Variants in PPP2R5E observed in about 807,000 individuals in gnomAD.
PPP2R5E encodes serine/threonine-protein phosphatase 2A 56 kDa regulatory subunit epsilon isoform.
Under a neutral mutation model 65.3 loss-of-function variants are expected in PPP2R5E, and 4 were observed. The ratio of observed to expected loss-of-function variants is 0.06; its 90% CI spans 0.03 to 0.14. The LOEUF (loss-of-function observed/expected upper bound fraction) is 0.14. Among genes scored for constraint, PPP2R5E ranks in the 10% least tolerant of loss-of-function variants. The pLI is 1.00. For synonymous variants in PPP2R5E, 183 were observed against 187.4 expected, an observed-to-expected ratio of 0.98 and a Z score of 0.19; for missense variants, 274 against 556.1, an observed-to-expected ratio of 0.49 and a Z score of 5.10.
chr14:63,389,798 G>A, intron 10 of PPP2R5E, 67 bp from the exon 11 acceptor site: 1 of 1,401,148 alleles, frequency 7.1e-7, no homozygotes, highest in South Asian at 1.7e-5. Flanking sequence ...GAACAAGGAG[G>A]ATTAATGAGA....
At chr14:63,490,039 T>C (rs1375075437) in intron 2 of PPP2R5E, among the ~76,000 whole-genome samples, 1 of 152,242 alleles carries the variant, frequency 6.6e-6, no homozygotes, top group East Asian at 1.9e-4. Context: ...TATGTTAGTA[T>C]ATGAATACCT....
chr14:63,446,053 T>C (rs940038658), intron 3 of PPP2R5E, among the ~76,000 whole-genome samples: 3 of 152,254 alleles, frequency 2.0e-5, no homozygotes, highest in Non-Finnish European at 4.4e-5. Context: ...TTCAACAATG[T>C]TCACAACATT....
chr14:63,413,520 C>T (rs1205226907), intron 5 of PPP2R5E, among the ~76,000 whole-genome samples: 1 of 152,094 alleles, frequency 6.6e-6, no homozygotes, highest in Non-Finnish European at 1.5e-5. Flanking sequence ...TCTTTCTAGA[C>T]CTCAGTTTAT....
chr14:63,523,132 G>T (rs1322706206), intron 2 of PPP2R5E, among the ~76,000 whole-genome samples: 1 of 150,192 alleles, frequency 6.7e-6, no homozygotes, highest in Non-Finnish European at 1.5e-5. Context: ...CGGGAAGTGG[G>T]GGGCGCCTCT....
chr14:63,405,774 C>T (rs902197754), intron 5 of PPP2R5E, among the ~76,000 whole-genome samples: 10 of 152,298 alleles, frequency 6.6e-5, no homozygotes, highest in African/African-American at 2.4e-4. Flanking sequence ...CATCCCAATA[C>T]AGATGAAAAT....
intron 4 of PPP2R5E, among the ~76,000 whole-genome samples, chr14:63,417,386 G>T (rs1594850583): frequency 6.6e-6 from 1 of 151,046 alleles, no homozygotes; most frequent in Non-Finnish European, 1.5e-5. Context: ...TTGTCAAATG[G>T]TTTTCTTGTT....
chr14:63,525,451 G>A (rs1403320723), intron 2 of PPP2R5E, among the ~76,000 whole-genome samples: 1 of 152,154 alleles, frequency 6.6e-6, no homozygotes, highest in African/African-American at 2.4e-5. Context: ...AATCAGGAAA[G>A]ACATACAGGA....
intron 3 of PPP2R5E, among the ~76,000 whole-genome samples, chr14:63,442,963 A>G (rs1888308457): frequency 6.6e-6 from 1 of 152,220 alleles, no homozygotes; most frequent in African/African-American, 2.4e-5. Flanking sequence ...TTCAGCTAAT[A>G]ATGTAGCGAG....
chr14:63,377,676 C>T (rs1455766529), intron 13 of PPP2R5E, among the ~76,000 whole-genome samples: 1 of 152,156 alleles, frequency 6.6e-6, no homozygotes, highest in African/African-American at 2.4e-5. Flanking sequence ...ATTTTCATAA[C>T]TTAGGCCTTG....
intron 3 of PPP2R5E, among the ~76,000 whole-genome samples, chr14:63,447,550 A>G (rs2139454501): frequency 6.6e-6 from 1 of 152,306 alleles, no homozygotes; most frequent in South Asian, 2.1e-4. Flanking sequence ...GGCTGGTTTG[A>G]TATTCTATCC....
chr14:63,495,343 G>A (rs996349673), intron 2 of PPP2R5E, among the ~76,000 whole-genome samples: 5 of 149,720 alleles, frequency 3.3e-5, no homozygotes, highest in South Asian at 4.2e-4. Flanking sequence ...AGGCTGAGAC[G>A]GGCAGACCAC....
intron 5 of PPP2R5E, among the ~76,000 whole-genome samples, chr14:63,409,884 T>C (rs1237704042): frequency 1.3e-5 from 2 of 152,224 alleles, no homozygotes; most frequent in African/African-American, 2.4e-5. Flanking sequence ...CTGAAAGTCA[T>C]ACTGCAAGTA....
chr14:63,523,729 CAA>C (rs1350434324), intron 2 of PPP2R5E, among the ~76,000 whole-genome samples: 6 of 124,640 alleles, frequency 4.8e-5, no homozygotes, highest in Admixed American at 3.0e-4. Context: ...AAAAAAAAAA[CAA>C]AGGTTACACG....
At chr14:63,386,978 G>A (rs1415399279) in intron 11 of PPP2R5E, among the ~76,000 whole-genome samples, 1 of 145,884 alleles carries the variant, frequency 6.9e-6, no homozygotes, top group Non-Finnish European at 1.5e-5. Context: ...ATTTAAGCTC[G>A]GCTTCGAAGG....
chr14:63,533,087 G>C (rs963099951), intron 2 of PPP2R5E, among the ~76,000 whole-genome samples: 6 of 151,916 alleles, frequency 3.9e-5, no homozygotes, highest in Non-Finnish European at 8.8e-5. Flanking sequence ...CTCCCACCTC[G>C]ACCTGCCAAA....
chr14:63,484,069 T>G (rs1594927279), intron 2 of PPP2R5E, among the ~76,000 whole-genome samples: 3 of 135,180 alleles, frequency 2.2e-5, no homozygotes, highest in African/African-American at 3.1e-5. Flanking sequence ...GGTGACAGAG[T>G]GAGACTCCAC....
At chr14:63,428,006 T>C (rs1555359434) in intron 3 of PPP2R5E, among the ~76,000 whole-genome samples, 1 of 152,166 alleles carries the variant, frequency 6.6e-6, no homozygotes, top group Non-Finnish European at 1.5e-5. Context: ...TCCCATTTCT[T>C]TTTAACATTT....
At chr14:63,412,963 C>T (rs1415058569) in intron 5 of PPP2R5E, among the ~76,000 whole-genome samples, 3 of 152,080 alleles carry the variant, frequency 2.0e-5, no homozygotes, top group African/African-American at 7.2e-5. Context: ...AGAAATTATT[C>T]TGGGGAGAAT....
At chr14:63,418,911 A>G (rs1248156716) in intron 4 of PPP2R5E, among the ~76,000 whole-genome samples, 2 of 146,910 alleles carry the variant, frequency 1.4e-5, no homozygotes, top group African/African-American at 2.6e-5. Context: ...CAGTGGCGCA[A>G]TCTTGGCTCA....
Sources: allele counts gnomAD v4.1 joint callset (sites outside exome capture counted in the v4.1 genomes callset), GRCh38; gene constraint gnomAD v4.1.1; transcripts MANE v1.5; gene names NCBI Gene and HGNC (gene_info 2026-07-23, HGNC 2026-07-21).